AFAP1L1: variants seen among roughly 807,000 people sequenced by gnomAD.
The protein encoded by AFAP1L1 is actin filament-associated protein 1-like 1.
AFAP1L1 carries 77 observed loss-of-function variants against 99.8 expected under a neutral mutation model. The ratio of observed to expected loss-of-function variants is 0.77; its 90% CI spans 0.64 to 0.93. The LOEUF (loss-of-function observed/expected upper bound fraction) is 0.93. Ranked by LOEUF, AFAP1L1 falls within the 40% of genes least tolerant of loss-of-function variation. The pLI, the probability that AFAP1L1 is intolerant of heterozygous loss-of-function variation, is 0.00. For synonymous variants in AFAP1L1, 373 were observed against 395.3 expected (o/e 0.94, Z 0.67); for missense variants, 893 against 996.8 (o/e 0.90, Z 1.40).
intron 1 of AFAP1L1, among the ~76,000 whole-genome samples, 169 bp from the exon 2 acceptor site, chr5:149,299,340 G>A (rs529705117): frequency 2.9e-4 from 44 of 152,272 alleles, no homozygotes; most frequent in African/African-American, 9.9e-4. Flanking sequence ...ACCCTCTCAC[G>A]GGAGCTGCGT....
intron 1 of AFAP1L1, among the ~76,000 whole-genome samples, chr5:149,277,891 G>C (rs1297032550): frequency 6.6e-6 from 1 of 152,116 alleles, no homozygotes; most frequent in African/African-American, 2.4e-5. Context: ...TGTTCCCTAT[G>C]GAGGCTTCTC....
At chr5:149,321,282 A>G (rs1019927677) in intron 14 of AFAP1L1, among the ~76,000 whole-genome samples, 4 of 152,194 alleles carry the variant, frequency 2.6e-5, no homozygotes, top group Non-Finnish European at 5.9e-5. Flanking sequence ...TCTCAGTTGC[A>G]GAGTTTAGTG....
intron 1 of AFAP1L1, among the ~76,000 whole-genome samples, chr5:149,276,135 T>C (rs1241102691): frequency 6.6e-6 from 1 of 152,240 alleles, no homozygotes; most frequent in Non-Finnish European, 1.5e-5. Context: ...GAGCAGAACC[T>C]AGATGCCAAA....
chr5:149,324,439 G>C (rs539020604), intron 15 of AFAP1L1, among the ~76,000 whole-genome samples: 3 of 152,186 alleles, frequency 2.0e-5, no homozygotes, highest in Non-Finnish European at 2.9e-5. Context: ...GTGCCATCTC[G>C]AAGGGGATTA....
rs1051905790 is a variant in AFAP1L1, at chr5:149,302,477, G to A, written c.387G>A (p.Glu129=). The A allele has an allele frequency of 6.3e-7, 1 of 1,597,260 alleles. No individual in the cohort carries two copies. The highest frequency in any genetic ancestry group is 8.5e-7 in the Non-Finnish European group (1 of 1,172,138). ...CTCCCCCTGAGGACTACTATGAAGA[G>A]GCCCTTCCTCTGGGACCCGGCAAGT... The part of the protein sequence containing the change: ...NKPPPEDYYE[E]ALPLGPGKSP... The change falls in exon 5 of 19, where the codon GAG becomes GAA. Residue 129 remains glutamate, a synonymous_variant. Coordinates refer to ENST00000296721, the MANE Select transcript of AFAP1L1 (RefSeq NM_152406.4).
At chr5:149,333,880 C>T (rs1003372050) in intron 17 of AFAP1L1, among the ~76,000 whole-genome samples, 11 of 152,176 alleles carry the variant, frequency 7.2e-5, no homozygotes, top group African/African-American at 2.6e-4. Context: ...ATTATTCTTC[C>T]TCATAGCACT....
Position 149,299,729 on chromosome 5 carries a change from G to A in AFAP1L1, c.145+92G>A, listed in dbSNP as rs188530629. 3,204 of 1,555,992 alleles carry A rather than the reference G, an allele frequency of 2.1e-3. 5 individuals are homozygous for A. Among genetic ancestry groups the A allele is most frequent in the Non-Finnish European group, 2.5e-3 (2,824 of 1,148,372 alleles). ...ACTCAAGAACATGCAGGAACCCTCC[G>A]CCCCACCCCCACCCCCAGGGGCTGC... On this transcript the variant is annotated intron_variant, in intron 2 of 18. Coordinates refer to ENST00000296721, the MANE Select transcript of AFAP1L1 (RefSeq NM_152406.4).
chr5:149,299,850 C>T (rs1485120225), intron 2 of AFAP1L1, among the ~76,000 whole-genome samples: 1 of 152,078 alleles, frequency 6.6e-6, no homozygotes, highest in African/African-American at 2.4e-5. Flanking sequence ...ACCTCCCCAC[C>T]GACAGCCCTG....
intron 18 of AFAP1L1, among the ~76,000 whole-genome samples, chr5:149,339,579 T>C (rs528995167): frequency 7.2e-5 from 11 of 152,344 alleles, no homozygotes; most frequent in African/African-American, 1.2e-4. Flanking sequence ...GATTTTTTTT[T>C]CCAAACATTT....
rs1321475736 is a variant in AFAP1L1 at position 149,315,966 on chromosome 5, T to C, written c.1114+52T>C. 4 of 1,606,648 alleles carry C rather than the reference T, an allele frequency of 2.5e-6. No homozygotes were observed. In the South Asian group the frequency reaches 4.4e-5, roughly 18 times the overall value. On this transcript the variant is annotated intron_variant, in intron 10 of 18. Transcript: ENST00000296721. ...GGGAATGCTGGAACTGGGCCGGGCC[T>C]TGCCCATGGGCACACAGCGGCAGAG...
chr5:149,325,835 A>C (rs1456543175), intron 15 of AFAP1L1, among the ~76,000 whole-genome samples: 1 of 152,160 alleles, frequency 6.6e-6, no homozygotes, highest in African/African-American at 2.4e-5. Context: ...AAAGAGGCAA[A>C]AGGGGGTTGA....
intron 4 of AFAP1L1, 72 bp downstream of exon 4, chr5:149,301,302 T>G: frequency 6.9e-7 from 1 of 1,444,350 alleles, no homozygotes; most frequent in Non-Finnish European, 9.6e-7. Context: ...AGCTCTCCCC[T>G]TCCCACTGGG....
chr5:149,327,331 A>G (rs1009635820), intron 15 of AFAP1L1, among the ~76,000 whole-genome samples: 2 of 152,190 alleles, frequency 1.3e-5, no homozygotes, highest in African/African-American at 2.4e-5. Context: ...ACAAACTTCC[A>G]TAAGCTGGGT....
intron 18 of AFAP1L1, among the ~76,000 whole-genome samples, chr5:149,338,646 A>G (rs1757474052): frequency 6.6e-6 from 1 of 152,250 alleles, no homozygotes; most frequent in South Asian, 2.1e-4. Context: ...CAGGGAACCC[A>G]AAAAAGTCCC....
At chr5:149,334,342 G>T (rs954557858) in intron 17 of AFAP1L1, among the ~76,000 whole-genome samples, 1 of 152,182 alleles carries the variant, frequency 6.6e-6, no homozygotes, top group Non-Finnish European at 1.5e-5. Context: ...GGCTGGTGGA[G>T]GAGCTAGCAC....
Position 149,300,369 on chromosome 5 carries a change from C to G in AFAP1L1, c.229+15C>G, listed in dbSNP as rs1421820541. ...TGAAGAATTTGGTAAGTGACCCTCT[C>G]CCAACCTCAGCTACGGAGCCATCCC... is the stretch of plus-strand genomic sequence containing the variant. On this transcript the variant is annotated intron_variant, in intron 3 of 18. Coordinates refer to ENST00000296721, the MANE Select transcript of AFAP1L1 (RefSeq NM_152406.4). 1.2e-6 allele frequency: 2 copies of G among 1,608,278 alleles called. No individual in the cohort carries two copies. Among genetic ancestry groups the G allele is most frequent in the Non-Finnish European group, 1.7e-6 (2 of 1,176,156 alleles).
intron 1 of AFAP1L1, among the ~76,000 whole-genome samples, chr5:149,273,065 G>C (rs1031627467): frequency 6.6e-6 from 1 of 151,740 alleles, no homozygotes; most frequent in African/African-American, 2.4e-5. Context: ...GCATGTGTGT[G>C]TCTGTAAAGA....
At chr5:149,272,501 C>T (rs961465208) in intron 1 of AFAP1L1, among the ~76,000 whole-genome samples, 34 of 152,156 alleles carry the variant, frequency 2.2e-4, no homozygotes, top group African/African-American at 8.2e-4. Flanking sequence ...TGGTTCTATC[C>T]CGCACCAGCT....
At chr5:149,299,452 C>T (rs1026292447) in intron 1 of AFAP1L1, 57 bp from the exon 2 acceptor site, 34 of 1,598,932 alleles carry the variant, frequency 2.1e-5, no homozygotes, top group African/African-American at 1.3e-4. Context: ...GCCGAACTCC[C>T]GGGCACAGAG....
Sources: gnomAD v4.1 joint callset for allele counts (sites outside exome capture counted in the v4.1 genomes callset) on GRCh38, gnomAD v4.1.1 for gene constraint, MANE v1.5 for transcripts, NCBI Gene and HGNC (gene_info 2026-07-23, HGNC 2026-07-21) for gene names.